The following KCNMB2 variants were observed in gnomAD, a reference collection of about 807,000 sequenced individuals.
The protein encoded by KCNMB2 is calcium-activated potassium channel subunit beta-2.
In KCNMB2, 9 loss-of-function variants were observed where a neutral mutation model predicts 24.5. That is an observed-to-expected ratio of 0.37 (90% CI 0.22 to 0.64). The LOEUF is 0.64. KCNMB2 is among the 30% of genes least tolerant of loss of function. The probability of loss-of-function intolerance (pLI) is 0.63; values close to 1 mark genes in which losing one functional copy is unlikely to be tolerated. For missense variants in KCNMB2, 226 were observed against 284.3 expected (o/e 0.79, Z 1.47); for synonymous variants, 109 against 104.4 (o/e 1.04, Z -0.27).
At chr3:178,653,723 T>C (rs572663064) in intron 1 of KCNMB2, among the ~76,000 whole-genome samples, 312 of 152,214 alleles carry the variant, frequency 2.0e-3, no homozygotes, top group Non-Finnish European at 3.6e-3. Flanking sequence ...TAATATCAAA[T>C]TGTCTTTATG....
chr3:178,566,433 T>TGC (rs746947141), intron 1 of KCNMB2, among the ~76,000 whole-genome samples: 18 of 151,330 alleles, frequency 1.2e-4, no homozygotes, highest in Non-Finnish European at 2.1e-4. Flanking sequence ...CTTGCACATG[T>TGC]GCACACACAC....
intron 1 of KCNMB2, among the ~76,000 whole-genome samples, chr3:178,744,713 T>C (rs914112900): frequency 1.6e-5 from 2 of 128,934 alleles, no homozygotes; most frequent in South Asian, 4.7e-4. Flanking sequence ...TCTTGTGGGA[T>C]CCGAAAAAAA....
At chr3:178,595,770 A>T (rs1158395828) in intron 1 of KCNMB2, among the ~76,000 whole-genome samples, 1 of 152,258 alleles carries the variant, frequency 6.6e-6, no homozygotes, top group Admixed American at 6.5e-5. Flanking sequence ...AGTCTCGGGT[A>T]TGTCTTTATT....
intron 1 of KCNMB2, among the ~76,000 whole-genome samples, chr3:178,734,566 A>G (rs1174048957): frequency 1.3e-5 from 2 of 152,170 alleles, no homozygotes; most frequent in African/African-American, 4.8e-5. Flanking sequence ...TGGCATGCAC[A>G]ATTCTAGCGT....
intron 1 of KCNMB2, among the ~76,000 whole-genome samples, chr3:178,796,667 A>G (rs991292259): frequency 3.9e-5 from 6 of 152,226 alleles, no homozygotes; most frequent in Non-Finnish European, 5.9e-5. Flanking sequence ...TGGGTCAATG[A>G]ATAAATTAAG....
chr3:178,756,537 A>T (rs932876149), intron 1 of KCNMB2, among the ~76,000 whole-genome samples: 1 of 152,162 alleles, frequency 6.6e-6, no homozygotes, highest in East Asian at 1.9e-4. Context: ...CACACTAGTC[A>T]AGAAGAGTTT....
chr3:178,606,172 A>G (rs1718264577), intron 1 of KCNMB2, among the ~76,000 whole-genome samples: 1 of 152,170 alleles, frequency 6.6e-6, no homozygotes, highest in Admixed American at 6.6e-5. Context: ...ATAGTATAGG[A>G]CCTATTCAGC....
intron 1 of KCNMB2, among the ~76,000 whole-genome samples, chr3:178,735,781 A>C (rs1437303228): frequency 1.3e-5 from 2 of 152,252 alleles, no homozygotes; most frequent in Non-Finnish European, 2.9e-5. Context: ...TCAGAAGTGC[A>C]AGAGAAGAGT....
intron 1 of KCNMB2, among the ~76,000 whole-genome samples, chr3:178,594,673 C>A (rs555136787): frequency 6.6e-6 from 1 of 151,996 alleles, no homozygotes; most frequent in Non-Finnish European, 1.5e-5. Flanking sequence ...ATGTTTTAGT[C>A]TGGAATTCAA....
intron 1 of KCNMB2, among the ~76,000 whole-genome samples, chr3:178,677,171 GCA>G (rs1721098097): frequency 2.0e-5 from 3 of 152,156 alleles, no homozygotes; most frequent in Admixed American, 1.3e-4. Context: ...TAAAACAAAA[GCA>G]CTTGCCACAA....
At chr3:178,762,754 T>A (rs1393022601) in intron 1 of KCNMB2, among the ~76,000 whole-genome samples, 1 of 151,612 alleles carries the variant, frequency 6.6e-6, no homozygotes, top group Non-Finnish European at 1.5e-5. Flanking sequence ...TTTCTGGATT[T>A]AGGAAAGCAT....
chr3:178,697,235 T>A (rs1001904427), intron 1 of KCNMB2, among the ~76,000 whole-genome samples: 20 of 152,174 alleles, frequency 1.3e-4, no homozygotes, highest in Non-Finnish European at 2.1e-4. Flanking sequence ...TGTGTGGAAG[T>A]CTAAGTCTCT....
intron 4 of KCNMB2, among the ~76,000 whole-genome samples, chr3:178,835,930 A>C (rs1337232565): frequency 6.6e-6 from 1 of 152,140 alleles, no homozygotes; most frequent in Admixed American, 6.5e-5. Flanking sequence ...CCTATATATA[A>C]CATGCTACAT....
chr3:178,662,857 T>C (rs552548831), intron 1 of KCNMB2, among the ~76,000 whole-genome samples: 11 of 152,298 alleles, frequency 7.2e-5, no homozygotes, highest in African/African-American at 1.7e-4. Context: ...TATCCCCATT[T>C]GCACGTGATA....
chr3:178,558,059 AAG>A (rs1166581782), intron 1 of KCNMB2, among the ~76,000 whole-genome samples: 2 of 152,142 alleles, frequency 1.3e-5, no homozygotes, highest in African/African-American at 2.4e-5. Context: ...AGCTCTTTGC[AAG>A]AGAGAAAAAA....
chr3:178,759,959 GATAT>G lies in KCNMB2; in HGVS notation c.-67-47365_-67-47362del, dbSNP rs1236808963. ...ATCTATATATATATATATCCAAGAG[GATAT>G]ATATATATATATATATATCCAAGAG... On this transcript the variant is annotated intron_variant, in intron 1 of 4. Coordinates refer to ENST00000452583, the MANE Select transcript of KCNMB2 (RefSeq NM_181361.3). 9.0e-3 allele frequency among the ~76,000 whole-genome samples: 68 copies of G among 7,578 alleles called. 10 individuals are homozygous for G. Among genetic ancestry groups the G allele is most frequent in the Admixed American group, 0.012 (9 of 726 alleles). 5.0% of individuals were successfully genotyped at this position (7,578 alleles called of 152,430 possible). A position where few individuals can be genotyped will look rare whatever the true frequency, so the allele number is the denominator to read the frequency against.
chr3:178,619,580 G>A (rs978056192), intron 1 of KCNMB2, among the ~76,000 whole-genome samples: 9 of 151,916 alleles, frequency 5.9e-5, no homozygotes, highest in Non-Finnish European at 1.0e-4. Context: ...ATAAAAAACC[G>A]AGGCCCAAAG....
At chr3:178,557,807 T>C (rs188908725) in intron 1 of KCNMB2, among the ~76,000 whole-genome samples, 1 of 152,270 alleles carries the variant, frequency 6.6e-6, no homozygotes, top group East Asian at 1.9e-4. Flanking sequence ...TCTTGGAGAT[T>C]ATCTCACCCA....
At chr3:178,698,759 A>AATC (rs1022051287) in intron 1 of KCNMB2, among the ~76,000 whole-genome samples, 10 of 152,254 alleles carry the variant, frequency 6.6e-5, no homozygotes, top group Middle Eastern at 3.4e-3. Flanking sequence ...ATCTACCTTC[A>AATC]ATCTTTGAGG....
Sources: allele counts gnomAD v4.1 joint callset (sites outside exome capture counted in the v4.1 genomes callset), GRCh38; gene constraint gnomAD v4.1.1; transcripts MANE v1.5; gene names NCBI Gene and HGNC (gene_info 2026-07-23, HGNC 2026-07-21).